CA10: variants seen among roughly 807,000 people sequenced by gnomAD.
CA10 encodes carbonic anhydrase 10 (inactive), also known as carbonic anhydrase-related protein 10.
A neutral mutation model predicts 44.2 loss-of-function variants in CA10; 14 were observed. The observed-to-expected ratio is 0.32, with a 90% CI of 0.21 to 0.50. The LOEUF is 0.50. Ranked by LOEUF, CA10 falls within the 20% of genes least tolerant of loss-of-function variation. CA10 has a pLI of 0.99. For missense variants in CA10, 350 were observed against 409.7 expected, an observed-to-expected ratio of 0.85 and a Z score of 1.26; for synonymous variants, 159 against 141.6, an observed-to-expected ratio of 1.12 and a Z score of -0.87.
chr17:51,988,610 C>G (rs1210733995), intron 2 of CA10, among the ~76,000 whole-genome samples: 1 of 151,672 alleles, frequency 6.6e-6, no homozygotes, highest in Non-Finnish European at 1.5e-5. Flanking sequence ...AAATAAAAAT[C>G]ATTTTTAAAG....
At chr17:52,043,307 T>A (rs1986822335) in intron 2 of CA10, among the ~76,000 whole-genome samples, 1 of 152,140 alleles carries the variant, frequency 6.6e-6, no homozygotes, top group African/African-American at 2.4e-5. Context: ...AATTTATTCC[T>A]AAGTATTTTA....
intron 4 of CA10, among the ~76,000 whole-genome samples, chr17:51,664,862 A>G (rs1055648592): frequency 2.0e-5 from 3 of 152,168 alleles, no homozygotes; most frequent in African/African-American, 7.2e-5. Context: ...GAGGAATGTG[A>G]TTTTTCAAAT....
At chr17:52,032,028 G>A (rs905205388) in intron 2 of CA10, among the ~76,000 whole-genome samples, 9 of 152,246 alleles carry the variant, frequency 5.9e-5, no homozygotes, top group African/African-American at 1.9e-4. Context: ...AATAAAAATC[G>A]AGTAAGTTAA....
At chr17:52,147,786 C>A (rs1159071683) in intron 1 of CA10, among the ~76,000 whole-genome samples, 1 of 152,166 alleles carries the variant, frequency 6.6e-6, no homozygotes, top group Non-Finnish European at 1.5e-5. Flanking sequence ...ACAATAGAAA[C>A]TTGATACTCA....
intron 3 of CA10, among the ~76,000 whole-genome samples, chr17:51,823,945 G>A (rs949057515): frequency 6.6e-6 from 1 of 152,064 alleles, no homozygotes; most frequent in African/African-American, 2.4e-5. Flanking sequence ...CCTCTCTGCT[G>A]CCATCACTGT....
At chr17:51,947,991 T>G (rs752313988) in intron 2 of CA10, among the ~76,000 whole-genome samples, 16 of 152,128 alleles carry the variant, frequency 1.1e-4, no homozygotes, top group Non-Finnish European at 2.2e-4. Context: ...AGATTCATTC[T>G]TGGGGGCTTT....
intron 2 of CA10, among the ~76,000 whole-genome samples, chr17:51,944,720 T>C (rs1010810380): frequency 1.3e-5 from 2 of 152,162 alleles, no homozygotes; most frequent in African/African-American, 4.8e-5. Context: ...ATGTTATCTC[T>C]GGATAGTGAA....
intron 2 of CA10, among the ~76,000 whole-genome samples, chr17:51,951,207 C>G (rs1181072759): frequency 6.6e-6 from 1 of 152,178 alleles, no homozygotes; most frequent in Non-Finnish European, 1.5e-5. Flanking sequence ...AAAGCTCCAA[C>G]AGATATTGAG....
intron 1 of CA10, among the ~76,000 whole-genome samples, chr17:52,118,580 G>T (rs1988947342): frequency 6.6e-6 from 1 of 152,034 alleles, no homozygotes; most frequent in Non-Finnish European, 1.5e-5. Context: ...AGGTAAACAG[G>T]ATTATTTGAC....
intron 3 of CA10, among the ~76,000 whole-genome samples, chr17:51,910,727 T>C (rs1432931401): frequency 6.6e-6 from 1 of 152,168 alleles, no homozygotes; most frequent in Non-Finnish European, 1.5e-5. Flanking sequence ...AGGTTTTTCC[T>C]AGCAATTAGG....
chr17:52,153,412 A>C (rs1275388425), intron 1 of CA10, among the ~76,000 whole-genome samples: 2 of 152,262 alleles, frequency 1.3e-5, no homozygotes, highest in African/African-American at 4.8e-5. Context: ...AGTTGGGTCT[A>C]TACTGCATTG....
chr17:51,706,560 C>A (rs1915768526), intron 4 of CA10, among the ~76,000 whole-genome samples: 1 of 152,206 alleles, frequency 6.6e-6, no homozygotes, highest in Non-Finnish European at 1.5e-5. Context: ...CTGCCGGGGC[C>A]TTTGCCCCCT....
At chr17:51,840,068 G>A (rs891096960) in intron 3 of CA10, among the ~76,000 whole-genome samples, 4 of 152,182 alleles carry the variant, frequency 2.6e-5, no homozygotes, top group African/African-American at 9.7e-5. Context: ...AGCATAACTA[G>A]ATTTGAATAT....
intron 4 of CA10, among the ~76,000 whole-genome samples, chr17:51,717,665 A>ACATATG (rs1160177172): frequency 2.6e-5 from 1 of 38,932 alleles, no homozygotes; most frequent in African/African-American, 6.6e-5. Context: ...ACGTATATAT[A>ACATATG]CATGTATATA....
chr17:51,844,154 A>G (rs1042990044), intron 3 of CA10, among the ~76,000 whole-genome samples: 6 of 151,984 alleles, frequency 3.9e-5, no homozygotes, highest in Middle Eastern at 3.4e-3. Flanking sequence ...ACATTACTAG[A>G]TCTTATTTGA....
At chr17:51,706,891 T>C (rs1359007130) in intron 4 of CA10, among the ~76,000 whole-genome samples, 1 of 152,146 alleles carries the variant, frequency 6.6e-6, no homozygotes, top group Non-Finnish European at 1.5e-5. Flanking sequence ...ATATGTCACA[T>C]TCTAGCTGAG....
At chr17:52,107,207 A>G (rs1988679883) in intron 1 of CA10, among the ~76,000 whole-genome samples, 1 of 152,156 alleles carries the variant, frequency 6.6e-6, no homozygotes, top group South Asian at 2.1e-4. Context: ...CCATGTTAGA[A>G]GCCAGGTGCC....
intron 2 of CA10, among the ~76,000 whole-genome samples, chr17:52,049,462 TAAGTGTTTTAC>T (rs1490989782): frequency 6.6e-6 from 1 of 152,098 alleles, no homozygotes; most frequent in East Asian, 1.9e-4. Flanking sequence ...TGGCACAAAG[TAAGTGTTTTAC>T]AAGTGTTTGT....
chr17:51,808,600 C>T (rs994173252), intron 3 of CA10, among the ~76,000 whole-genome samples: 1 of 152,046 alleles, frequency 6.6e-6, no homozygotes, highest in African/African-American at 2.4e-5. Context: ...AAATAAATGA[C>T]CAATGACAGG....
Sources: gnomAD v4.1 joint callset for allele counts (sites outside exome capture counted in the v4.1 genomes callset) on GRCh38, gnomAD v4.1.1 for gene constraint, MANE v1.5 for transcripts, NCBI Gene and HGNC (gene_info 2026-07-23, HGNC 2026-07-21) for gene names.